EFEMP2: variants seen among roughly 807,000 people sequenced by gnomAD.
EFEMP2 encodes EGF-containing fibulin-like extracellular matrix protein 2.
A neutral mutation model predicts 55.3 loss-of-function variants in EFEMP2; 21 were observed. The ratio of observed to expected loss-of-function variants is 0.38; its 90% CI spans 0.27 to 0.55. The LOEUF (loss-of-function observed/expected upper bound fraction) is 0.55, where lower values mean the gene tolerates loss of function less well. EFEMP2 is among the 20% of genes least tolerant of loss of function. The pLI, the probability that EFEMP2 is intolerant of heterozygous loss-of-function variation, is 0.77. For synonymous variants in EFEMP2, 275 were observed against 242.3 expected (o/e 1.14, Z -1.25); for missense variants, 513 against 615.1 (o/e 0.83, Z 1.76).
intron 7 of EFEMP2, 155 bp from the exon 8 acceptor site, chr11:65,868,784 G>T: frequency 5.5e-6 from 6 of 1,094,548 alleles, no homozygotes; most frequent in Non-Finnish European, 8.0e-6. Flanking sequence ...GGAGATGGAG[G>T]GTTCAAAGAA....
At chr11:65,867,743 C>A in intron 10 of EFEMP2, 118 bp downstream of exon 10, 1 of 1,149,440 alleles carries the variant, frequency 8.7e-7, no homozygotes, top group Non-Finnish European at 1.3e-6. Flanking sequence ...ACCCCGCCTC[C>A]GGGGGCGGGG....
In EFEMP2 at chr11:65,870,252, A is replaced by G. The variant is rs367645893; in HGVS notation, c.491-15T>C. On this transcript the variant is annotated splice_polypyrimidine_tract_variant and intron_variant, in intron 5 of 10. Coordinates refer to ENST00000307998, the MANE Select transcript of EFEMP2 (RefSeq NM_016938.5). ...CTCGTCTATGTCTAGGGATAGAGGC[A>G]GGAGAAGGAGGGCGGAGGGCAGAGG... The G allele has an allele frequency of 1.4e-5, 23 of 1,610,418 alleles. No homozygotes were observed. Among genetic ancestry groups the G allele is most frequent in the Non-Finnish European group, 2.0e-5 (23 of 1,177,850 alleles).
Position 65,867,933 on chromosome 11 carries a change from G to T in EFEMP2, c.1098C>A (p.Thr366=). ...VPADVFQIQA[T]SVYPGAYNAF... The stretch of plus-strand genomic sequence containing the variant: ...CATTGTAGGCACCGGGGTAGACGGA[G>T]GTCGCCTGGATCTGGAACACGTCAG... Residue 366 remains threonine (T), a synonymous_variant, in exon 10 of 11, where the codon ACC becomes ACA. Transcript: ENST00000307998. 2 of 1,614,144 alleles carry T rather than the reference G, an allele frequency of 1.2e-6. No homozygotes were observed. Among genetic ancestry groups the T allele is most frequent in the Non-Finnish European group, 1.7e-6 (2 of 1,180,040 alleles).
Position 65,868,977 on chromosome 11 carries a change from G to C in EFEMP2, c.728-348C>G, listed in dbSNP as rs1256830826. The C allele has an allele frequency of 2.3e-5, 8 of 340,770 alleles. No individual in the cohort carries two copies. The Admixed American group carries it at 3.0e-4, about 13-fold the overall frequency. 21.1% of individuals were successfully genotyped at this position (340,770 alleles called of 1,614,324 possible). ...TAGATGAGTCTTATGGGTCTGGCTT[G>C]TGCTGTAACGCCCAATTCCTGCAAC... On this transcript the variant is annotated intron_variant, in intron 7 of 10. Coordinates refer to ENST00000307998, the MANE Select transcript of EFEMP2 (RefSeq NM_016938.5).
intron 10 of EFEMP2, 143 bp from the exon 11 acceptor site, chr11:65,867,222 C>G: frequency 1.1e-6 from 1 of 903,686 alleles, no homozygotes; most frequent in Non-Finnish European, 1.7e-6. Context: ...TCATGCAGCT[C>G]TTTGACACCC....
intron 4 of EFEMP2, 182 bp from the exon 5 acceptor site, chr11:65,870,840 G>T: frequency 2.3e-6 from 2 of 858,506 alleles, no homozygotes; most frequent in Non-Finnish European, 3.7e-6. Context: ...AGGAAATAAG[G>T]TCCTGTCCAA....
chr11:65,866,606 C>T lies in EFEMP2; in HGVS notation c.*312G>A, dbSNP rs1043479. The T allele has an allele frequency of 1.4e-6, 1 of 703,046 alleles. No homozygotes were observed. The highest frequency in any genetic ancestry group is 1.5e-5 in the South Asian group (1 of 67,598). 43.6% of individuals were successfully genotyped at this position (703,046 alleles called of 1,614,324 possible). On this transcript the variant is annotated 3_prime_UTR_variant, in exon 11 of 11. Transcript: ENST00000307998. Reference sequence around the variant, plus strand: ...CTGCAAGCCAGCCAAGTCCAAATCTCTGGGCCGGGGCCTGGAGTCCGCCCT... The same window carrying T: ...CTGCAAGCCAGCCAAGTCCAAATCTTTGGGCCGGGGCCTGGAGTCCGCCCT...
At chr11:65,867,231 C>T in intron 10 of EFEMP2, 152 bp from the exon 11 acceptor site, 4 of 824,852 alleles carry the variant, frequency 4.8e-6, no homozygotes, top group Non-Finnish European at 7.7e-6. Context: ...TCTTTGACAC[C>T]CTCGATGTCT....
intron 7 of EFEMP2, chr11:65,869,234 C>G (rs559958003): frequency 5.1e-6 from 1 of 195,750 alleles, no homozygotes; most frequent in African/African-American, 2.3e-5. Context: ...CACTTAACCT[C>G]TCTTAGCTGA....
intron 10 of EFEMP2, chr11:65,867,586 A>C (rs1288518193): frequency 1.9e-6 from 1 of 517,178 alleles, no homozygotes; most frequent in Admixed American, 3.1e-5. Flanking sequence ...GGCCCTGCAC[A>C]CGCCATTCCC....
intron 5 of EFEMP2, 115 bp downstream of exon 5, chr11:65,870,421 G>C (rs892934459): frequency 6.6e-7 from 1 of 1,525,566 alleles, no homozygotes; most frequent in Non-Finnish European, 9.0e-7. Flanking sequence ...GATGACGGAG[G>C]GTGAGGTGGC....
In EFEMP2 at chr11:65,868,790, A is replaced by C. The variant is rs1057196212; in HGVS notation, c.728-161T>G. 3.9e-6 allele frequency: 4 copies of C among 1,026,592 alleles called. No individual in the cohort carries two copies. In the African/African-American group the frequency reaches 6.3e-5, roughly 16 times the overall value. The allele number at this position is 1,026,592 out of a possible 1,614,324, so 63.6% of individuals were successfully genotyped here. A position where few individuals can be genotyped will look rare whatever the true frequency, so the allele number is the denominator to read the frequency against. ...GTTCAGCCGGGAGATGGAGGGTTCA[A>C]AGAAAGTTTGCCCAGGCTGCCGCAG... On this transcript the variant is annotated intron_variant, in intron 7 of 10. Coordinates refer to ENST00000307998, the MANE Select transcript of EFEMP2 (RefSeq NM_016938.5).
chr11:65,866,669 CGTG>C lies in EFEMP2; in HGVS notation c.*246_*248del. On this transcript the variant is annotated 3_prime_UTR_variant, in exon 11 of 11. Coordinates refer to ENST00000307998, the MANE Select transcript of EFEMP2 (RefSeq NM_016938.5). Reference sequence around the variant, plus strand: ...CTCTCCTCTCGGGGTGACTGAAGCTCGTGGTGCAGAGCTCCCAGCTCCTGTCAA... The same window carrying C: ...CTCTCCTCTCGGGGTGACTGAAGCTCGTGCAGAGCTCCCAGCTCCTGTCAA... 1 of 704,536 alleles carries C rather than the reference CGTG, an allele frequency of 1.4e-6. No homozygotes were observed. The highest frequency in any genetic ancestry group is 2.6e-6 in the Non-Finnish European group (1 of 386,410). The allele number at this position is 704,536 out of a possible 1,614,324, so 43.6% of individuals were successfully genotyped here. A position where few individuals can be genotyped will look rare whatever the true frequency, so the allele number is the denominator to read the frequency against.
intron 4 of EFEMP2, 178 bp from the exon 5 acceptor site, chr11:65,870,836 T>C: frequency 1.1e-6 from 1 of 874,808 alleles, no homozygotes; most frequent in Non-Finnish European, 1.8e-6. Flanking sequence ...GCACAGGAAA[T>C]AAGGTCCTGT....
Position 65,870,062 on chromosome 11 carries a change from C to T in EFEMP2, c.607+59G>A, listed in dbSNP as rs1022253217. On this transcript the variant is annotated intron_variant, in intron 6 of 10. Coordinates refer to ENST00000307998, the MANE Select transcript of EFEMP2 (RefSeq NM_016938.5). ...CTACCTGGGCTGGTCAAGAAGGGAG[C>T]GCCCCCACCTCACACCTCCCTGCCC... 6.2e-6 allele frequency: 10 copies of T among 1,612,088 alleles called. No homozygotes were observed. In the Admixed American group the frequency reaches 6.7e-5, roughly 11 times the overall value.
intron 4 of EFEMP2, 175 bp downstream of exon 4, chr11:65,870,982 G>T: frequency 1.2e-6 from 1 of 828,612 alleles, no homozygotes; most frequent in Non-Finnish European, 2.0e-6. Context: ...GAGCTGGCTG[G>T]AGCAGTGGCA....
intron 2 of EFEMP2, 71 bp from the exon 3 acceptor site, chr11:65,872,089 C>T (rs1591068311): frequency 1.3e-6 from 2 of 1,543,636 alleles, no homozygotes; most frequent in Admixed American, 3.9e-5. Flanking sequence ...AAGACTAGGG[C>T]CTGAGCCTGG....
chr11:65,872,001 A>G lies in EFEMP2; in HGVS notation c.129T>C (p.Tyr43=). The part of the protein sequence containing the change: ...PDSYTECTDG[Y]EWDPDSQHCR... ...AGTGCTGGCTGTCTGGGTCCCACTC[A>G]TAGCCATCTGTGCATTCCTGGAAGG... is the stretch of plus-strand genomic sequence containing the variant. The change falls in exon 3 of 11, where the codon TAT becomes TAC. Residue 43 remains tyrosine, a synonymous_variant. Coordinates refer to ENST00000307998, the MANE Select transcript of EFEMP2 (RefSeq NM_016938.5). 6.4e-7 allele frequency: 1 copy of G among 1,551,582 alleles called. No homozygotes were observed. Among genetic ancestry groups the G allele is most frequent in the Non-Finnish European group, 8.7e-7 (1 of 1,146,964 alleles).
chr11:65,872,359 G>T lies in EFEMP2; in HGVS notation c.-5C>A, dbSNP rs1195442414. ...GCAGGAGGCGCAGGGGAGCATCCTG[G>T]GGCTGCGAGATGGTGGACACGGGTC... On this transcript the variant is annotated splice_region_variant and 5_prime_UTR_variant, in exon 2 of 11. Coordinates refer to ENST00000307998, the MANE Select transcript of EFEMP2 (RefSeq NM_016938.5). The T allele has an allele frequency of 2.6e-6, 4 of 1,547,144 alleles. No individual in the cohort carries two copies. Among genetic ancestry groups the T allele is most frequent in the Non-Finnish European group, 3.5e-6 (4 of 1,143,418 alleles).
Sources: allele counts gnomAD v4.1 joint callset, GRCh38; gene constraint gnomAD v4.1.1; transcripts MANE v1.5; gene names NCBI Gene and HGNC (gene_info 2026-07-23, HGNC 2026-07-21).